CLSTN2: variants seen among roughly 807,000 people sequenced by gnomAD.
CLSTN2 encodes calsyntenin 2.
CLSTN2 carries 48 observed loss-of-function variants against 101.2 expected under a neutral mutation model. That is an observed-to-expected ratio of 0.47 (90% CI 0.38 to 0.60). The LOEUF is 0.60. CLSTN2 is among the 20% of genes least tolerant of loss of function. The pLI is 0.00. For missense variants in CLSTN2, 1,160 were observed against 1,238.2 expected, an observed-to-expected ratio of 0.94 and a Z score of 0.95; for synonymous variants, 481 against 463.6, an observed-to-expected ratio of 1.04 and a Z score of -0.48.
intron 1 of CLSTN2, among the ~76,000 whole-genome samples, chr3:140,154,651 T>TG (rs796993143): frequency 0.022 from 3,198 of 143,016 alleles, 141 homozygotes; most frequent in African/African-American, 0.079. Flanking sequence ...CTTTTTTTTT[T>TG]TTTTTTTTTT....
chr3:140,091,472 C>G (rs993589565), intron 1 of CLSTN2, among the ~76,000 whole-genome samples: 1 of 152,206 alleles, frequency 6.6e-6, no homozygotes, highest in African/African-American at 2.4e-5. Context: ...AACACCAGAG[C>G]CTGCCTGGGC....
At chr3:140,381,866 T>C (rs376250198) in intron 2 of CLSTN2, among the ~76,000 whole-genome samples, 332 of 152,316 alleles carry the variant, frequency 2.2e-3, no homozygotes, top group Middle Eastern at 6.8e-3. Context: ...CTGCCAAATA[T>C]TGGAAAACAA....
At chr3:139,979,482 C>T (rs576257832) in intron 1 of CLSTN2, among the ~76,000 whole-genome samples, 1 of 152,306 alleles carries the variant, frequency 6.6e-6, no homozygotes, top group South Asian at 2.1e-4. Context: ...CACACCACAG[C>T]CCGCACATCC....
intron 2 of CLSTN2, among the ~76,000 whole-genome samples, chr3:140,211,949 T>C (rs2010861100): frequency 6.6e-6 from 1 of 152,214 alleles, no homozygotes; most frequent in South Asian, 2.1e-4. Context: ...ATTCTCAGCA[T>C]GCCTACTGAC....
chr3:140,561,319 A>T (rs1169034934), intron 12 of CLSTN2, among the ~76,000 whole-genome samples: 4 of 152,170 alleles, frequency 2.6e-5, no homozygotes, highest in Non-Finnish European at 4.4e-5. Flanking sequence ...ACTGGCACAT[A>T]GCACATACTT....
chr3:140,467,299 G>T (rs891981063), intron 8 of CLSTN2, among the ~76,000 whole-genome samples: 13 of 152,202 alleles, frequency 8.5e-5, no homozygotes, highest in African/African-American at 3.1e-4. Flanking sequence ...TGTCTGGTGT[G>T]ACTCCAAAGC....
chr3:139,996,778 C>T (rs1345917485), intron 1 of CLSTN2, among the ~76,000 whole-genome samples: 2 of 151,932 alleles, frequency 1.3e-5, no homozygotes, highest in Admixed American at 6.6e-5. Context: ...CCGGGTGTGG[C>T]GGCTCATGAC....
intron 1 of CLSTN2, among the ~76,000 whole-genome samples, chr3:140,045,473 C>A (rs1253237812): frequency 1.3e-5 from 2 of 152,072 alleles, no homozygotes; most frequent in African/African-American, 2.4e-5. Flanking sequence ...TTCAAAAAAA[C>A]CAGCTCCTGG....
intron 1 of CLSTN2, among the ~76,000 whole-genome samples, chr3:140,154,214 A>G (rs754802538): frequency 6.6e-6 from 1 of 152,116 alleles, no homozygotes; most frequent in Non-Finnish European, 1.5e-5. Flanking sequence ...CAGAGGTCTG[A>G]GTGGAGAGTG....
At position 140,179,996 on chromosome 3, in the gene CLSTN2, C is replaced by T. The variant is rs145874148; in HGVS notation, c.232+3923C>T. Among the ~76,000 whole-genome samples the T allele has an allele frequency of 1.2e-4, 19 of 152,220 alleles. No homozygotes were observed. The East Asian group carries it at 3.3e-3, about 26-fold the overall frequency. On this transcript the variant is annotated intron_variant, in intron 2 of 16. Coordinates refer to ENST00000458420, the MANE Select transcript of CLSTN2 (RefSeq NM_022131.3). ...CCACCCAAGTCGCTCAGTCCCTGGC[C>T]GTCATAAGGTTCATTCTGATGGTGT...
intron 2 of CLSTN2, among the ~76,000 whole-genome samples, chr3:140,339,305 C>T (rs2087470423): frequency 6.6e-6 from 1 of 152,108 alleles, no homozygotes; most frequent in Non-Finnish European, 1.5e-5. Context: ...TGCTAGCAGA[C>T]TGATTCTCTC....
intron 1 of CLSTN2, among the ~76,000 whole-genome samples, chr3:140,005,762 G>A (rs547328809): frequency 1.3e-4 from 20 of 152,296 alleles, no homozygotes; most frequent in Admixed American, 3.3e-4. Context: ...TTTGAAGTGG[G>A]AAAAGCAGCA....
chr3:140,174,815 A>C (rs1474075109), intron 1 of CLSTN2, among the ~76,000 whole-genome samples: 2 of 152,220 alleles, frequency 1.3e-5, no homozygotes, highest in Non-Finnish European at 2.9e-5. Flanking sequence ...AGTACAATTC[A>C]AGATGAGATT....
intron 1 of CLSTN2, among the ~76,000 whole-genome samples, chr3:140,109,187 G>A (rs1295880996): frequency 2.6e-5 from 4 of 152,136 alleles, no homozygotes; most frequent in Non-Finnish European, 4.4e-5. Context: ...TTGCCCCAAT[G>A]TAACAGGACA....
intron 2 of CLSTN2, among the ~76,000 whole-genome samples, chr3:140,204,943 A>T (rs1486969758): frequency 6.6e-6 from 1 of 152,126 alleles, no homozygotes; most frequent in East Asian, 1.9e-4. Context: ...GCCTCATGAC[A>T]CTATTGACTT....
intron 2 of CLSTN2, among the ~76,000 whole-genome samples, chr3:140,401,269 A>G (rs1332560464): frequency 1.3e-5 from 2 of 152,258 alleles, no homozygotes; most frequent in Non-Finnish European, 2.9e-5. Context: ...ATGAAAACAA[A>G]GTGGGTCTTG....
chr3:140,026,656 C>T (rs1576401347), intron 1 of CLSTN2, among the ~76,000 whole-genome samples: 1 of 152,164 alleles, frequency 6.6e-6, no homozygotes, highest in East Asian at 1.9e-4. Flanking sequence ...GGCAAGGTGA[C>T]CTTCCAGGCT....
intron 8 of CLSTN2, among the ~76,000 whole-genome samples, chr3:140,485,836 G>A (rs377201578): frequency 2.6e-5 from 4 of 152,088 alleles, no homozygotes; most frequent in Admixed American, 6.5e-5. Flanking sequence ...TGAGTGACCC[G>A]ATTTTCCAGG....
rs77854628 is a variant in CLSTN2 at position 140,369,267 on chromosome 3, C to A, written c.233-34362C>A. On this transcript the variant is annotated intron_variant, in intron 2 of 16. Coordinates refer to ENST00000458420, the MANE Select transcript of CLSTN2 (RefSeq NM_022131.3). ...TAGACACTTCAATTGTTATACCTTA[C>A]AATTTAGTTGTCTTGTGTAAAATTC... 8.3e-4 allele frequency among the ~76,000 whole-genome samples: 127 copies of A among 152,318 alleles called. 1 individual carries two copies. In the East Asian group the frequency reaches 0.023, roughly 28 times the overall value.
Sources: allele counts gnomAD v4.1 joint callset (sites outside exome capture counted in the v4.1 genomes callset), GRCh38; gene constraint gnomAD v4.1.1; transcripts MANE v1.5; gene names NCBI Gene and HGNC (gene_info 2026-07-23, HGNC 2026-07-21).